PRAC2: variants seen among roughly 807,000 people sequenced by gnomAD.
PRAC2 encodes protein PRAC2.
For missense variants in PRAC2, 92 were observed against 114.5 expected, an observed-to-expected ratio of 0.80 and a Z score of 0.90; for synonymous variants, 43 against 49.5, an observed-to-expected ratio of 0.87 and a Z score of 0.55.
chr17:48,719,750 G>C (rs2038127359), upstream of PRAC2, among the ~76,000 whole-genome samples: 1 of 152,204 alleles, frequency 6.6e-6, no homozygotes, highest in Non-Finnish European at 1.5e-5. Context: ...ACATTGGCCT[G>C]ACTTGCCGGA....
chr17:48,724,632 T>G lies in PRAC2; in HGVS notation c.222T>G (p.Pro74=), dbSNP rs1171549728. Residue 74 remains proline (P), a synonymous_variant, in exon 2 of 2, where the codon CCT becomes CCG. Coordinates refer to ENST00000422730, the MANE Select transcript of PRAC2 (RefSeq NM_001282275.2). ...STHEAPGRWK[P]VAPRTMKACP... is the part of the protein sequence containing the mutation. ...ACGAGGCCCCAGGCCGCTGGAAGCC[T>G]GTAGCTCCGCGGACGATGAAAGCCT... 8.1e-7 allele frequency: 1 copy of G among 1,232,034 alleles called. No homozygotes were observed. Among genetic ancestry groups the G allele is most frequent in the East Asian group, 3.2e-5 (1 of 31,694 alleles). The allele number at this position is 1,232,034 out of a possible 1,614,324, so 76.3% of individuals were successfully genotyped here. A position where few individuals can be genotyped will look rare whatever the true frequency, so the allele number is the denominator to read the frequency against.
upstream of PRAC2, chr17:48,721,785 T>A (rs1326343228): frequency 1.3e-6 from 2 of 1,522,850 alleles, no homozygotes; most frequent in Non-Finnish European, 1.8e-6. Context: ...CCCAGGCTGG[T>A]CTGGAACTCC....
chr17:48,722,389 A>G (rs1409345175), upstream of PRAC2: 6 of 1,614,020 alleles, frequency 3.7e-6, no homozygotes, highest in Non-Finnish European at 5.1e-6. Flanking sequence ...TGGGCGCACA[A>G]CATCGCTGTT....
chr17:48,722,426 C>T (rs1358857957), upstream of PRAC2: 1 of 1,599,048 alleles, frequency 6.3e-7, no homozygotes, highest in Admixed American at 1.7e-5. Context: ...GGACCAGAAT[C>T]CAGCTTGCCT....
upstream of PRAC2, among the ~76,000 whole-genome samples, chr17:48,719,143 C>G (rs1426270678): frequency 3.9e-5 from 6 of 151,994 alleles, no homozygotes; most frequent in Non-Finnish European, 5.9e-5. Flanking sequence ...ACCCGGAGAT[C>G]GAGTGTTTGA....
upstream of PRAC2, chr17:48,722,263 A>G (rs952222984): frequency 8.2e-6 from 12 of 1,455,068 alleles, no homozygotes; most frequent in African/African-American, 1.3e-4. Context: ...CTCCTGATGC[A>G]GCTACCATAC....
upstream of PRAC2, chr17:48,722,180 T>G: frequency 1.3e-6 from 1 of 768,374 alleles, no homozygotes; most frequent in Non-Finnish European, 2.1e-6. Context: ...GGTGAAAGCC[T>G]GCTGCTCACC....
At chr17:48,721,570 C>G (rs534851452), upstream of PRAC2, 173 of 350,544 alleles carry the variant, frequency 4.9e-4, 1 homozygote, top group African/African-American at 3.5e-3. Flanking sequence ...AGTTATCTGC[C>G]CACTTCAGCC....
chr17:48,722,455 C>T, upstream of PRAC2: 3 of 1,438,654 alleles, frequency 2.1e-6, no homozygotes, highest in South Asian at 1.1e-5. Context: ...AAGCAAGCAT[C>T]GGCCTAAAGG....
Position 48,724,747 on chromosome 17 carries a change from T to A in PRAC2, c.*64T>A. Reference sequence around the variant, plus strand: ...TCCTAACACACCAGTGGAATAAATCTCTAAGATTCCACATCTTTTGTTTGC... The same window carrying A: ...TCCTAACACACCAGTGGAATAAATCACTAAGATTCCACATCTTTTGTTTGC... On this transcript the variant is annotated 3_prime_UTR_variant, in exon 2 of 2. Coordinates refer to ENST00000422730, the MANE Select transcript of PRAC2 (RefSeq NM_001282275.2). 1.1e-6 allele frequency: 1 copy of A among 869,858 alleles called. No homozygotes were observed. Among genetic ancestry groups the A allele is most frequent in the South Asian group, 5.9e-5 (1 of 16,976 alleles). The allele number at this position is 869,858 out of a possible 1,614,324, so 53.9% of individuals were successfully genotyped here. A position where few individuals can be genotyped will look rare whatever the true frequency, so the allele number is the denominator to read the frequency against.
chr17:48,724,049 G>T (rs1164055459), intron 1 of PRAC2, among the ~76,000 whole-genome samples: 1 of 152,206 alleles, frequency 6.6e-6, no homozygotes, highest in Non-Finnish European at 1.5e-5. Flanking sequence ...GCGTTTATTC[G>T]TCTGTGAGCT....
chr17:48,720,053 G>A (rs1258930063), upstream of PRAC2, among the ~76,000 whole-genome samples: 1 of 152,242 alleles, frequency 6.6e-6, no homozygotes, highest in Non-Finnish European at 1.5e-5. Context: ...TCGGGCGGGG[G>A]CGACGGGCTG....
upstream of PRAC2, among the ~76,000 whole-genome samples, chr17:48,720,169 G>A (rs544836116): frequency 3.9e-5 from 6 of 152,314 alleles, no homozygotes; most frequent in South Asian, 1.2e-3. Flanking sequence ...AGTTTGGCGA[G>A]TAGTGCGGGT....
chr17:48,722,470 A>G, upstream of PRAC2: 1 of 1,287,850 alleles, frequency 7.8e-7, no homozygotes. Flanking sequence ...TAAAGGTTTC[A>G]GCCTCCCAGT....
At chr17:48,722,465 G>C (rs1472253584), upstream of PRAC2, 1 of 1,347,308 alleles carries the variant, frequency 7.4e-7, no homozygotes, top group Non-Finnish European at 1.1e-6. Context: ...CGGCCTAAAG[G>C]TTTCAGCCTC....
upstream of PRAC2, among the ~76,000 whole-genome samples, chr17:48,719,156 T>G (rs1043413493): frequency 6.6e-6 from 1 of 152,030 alleles, no homozygotes; most frequent in Non-Finnish European, 1.5e-5. Flanking sequence ...GTGTTTGATC[T>G]TCCCTTGCTC....
upstream of PRAC2, among the ~76,000 whole-genome samples, chr17:48,722,055 C>A (rs1329274679): frequency 2.6e-5 from 4 of 152,246 alleles, no homozygotes; most frequent in African/African-American, 9.6e-5. Flanking sequence ...GCCTCTCCCC[C>A]GCCTAGGTCC....
At chr17:48,721,648 G>C (rs566675282), upstream of PRAC2, 17 of 719,404 alleles carry the variant, frequency 2.4e-5, no homozygotes, top group African/African-American at 2.9e-4. Flanking sequence ...TTAAGGCCCA[G>C]AGCTTTTGCC....
At chr17:48,722,279 G>T, upstream of PRAC2, 1 of 1,538,450 alleles carries the variant, frequency 6.5e-7, no homozygotes, top group Non-Finnish European at 9.0e-7. Context: ...CATACTGAGC[G>T]ATCCGTCGAT....
Sources: allele counts gnomAD v4.1 joint callset (sites outside exome capture counted in the v4.1 genomes callset), GRCh38; gene constraint gnomAD v4.1.1; transcripts MANE v1.5; gene names NCBI Gene and HGNC (gene_info 2026-07-23, HGNC 2026-07-21).